CAMLG: variants seen among roughly 807,000 people sequenced by gnomAD.
CAMLG encodes the protein guided entry of tail-anchored proteins factor CAMLG.
In CAMLG, 23 loss-of-function variants were observed where a neutral mutation model predicts 28.9. The ratio of observed to expected loss-of-function variants is 0.80; its 90% CI spans 0.57 to 1.13. The LOEUF (loss-of-function observed/expected upper bound fraction) is 1.13. Among genes scored for constraint, CAMLG ranks in the 50% most tolerant of loss-of-function variants. The pLI is 0.00. For synonymous variants in CAMLG, 141 were observed against 146.5 expected (o/e 0.96, Z 0.27); for missense variants, 367 against 371.9 (o/e 0.99, Z 0.11).
intron 3 of CAMLG, among the ~76,000 whole-genome samples, chr5:134,747,537 G>C (rs1052546220): frequency 2.0e-5 from 3 of 151,976 alleles, no homozygotes; most frequent in Non-Finnish European, 4.4e-5. Flanking sequence ...TAGTAGAGAC[G>C]GGGTTTCACC....
chr5:134,738,658 G>T lies in CAMLG; in HGVS notation c.38G>T (p.Arg13Met), dbSNP rs752834014. 98 of 1,613,084 alleles carry T rather than the reference G, an allele frequency of 6.1e-5. No homozygotes were observed. Among genetic ancestry groups the T allele is most frequent in the Non-Finnish European group, 8.0e-5 (94 of 1,179,734 alleles). Reference sequence around the variant, plus strand: ...GCCGTCGCTACCGACGGCGGGGAGAGGCCGGGGGTCCCAGCGGGCTCAGGT... The same window carrying T: ...GCCGTCGCTACCGACGGCGGGGAGATGCCGGGGGTCCCAGCGGGCTCAGGT... ...SMAVATDGGE[R>M]PGVPAGSGLS... The change falls in exon 1 of 4, where the codon AGG becomes ATG. Residue 13 changes from arginine (R) to methionine (M), a missense_variant. Physicochemically the swap from Arg to Met is moderately conservative, Grantham distance 91. Coordinates refer to ENST00000297156, the MANE Select transcript of CAMLG (RefSeq NM_001745.4).
At chr5:134,749,930 C>T (rs957677920) in intron 3 of CAMLG, among the ~76,000 whole-genome samples, 2 of 152,186 alleles carry the variant, frequency 1.3e-5, no homozygotes, top group Non-Finnish European at 2.9e-5. Context: ...GTCTTAAACT[C>T]CTAGGCTCAA....
chr5:134,740,192 C>CT (rs1004434714), intron 1 of CAMLG, among the ~76,000 whole-genome samples: 40 of 151,792 alleles, frequency 2.6e-4, no homozygotes, highest in Admixed American at 1.1e-3. Context: ...TGTGCCTGGC[C>CT]TTTTTTTTAA....
rs114353961 is a variant in CAMLG at position 134,740,298 on chromosome 5, T to A, written c.173-765T>A. On this transcript the variant is annotated intron_variant, in intron 1 of 3. Transcript: ENST00000297156. ...CTACATAAACAGTAGCTTTGGGATATGCCACACCCTATGCTCATAGGGCAC... is the reference window on the plus strand; with the variant it reads ...CTACATAAACAGTAGCTTTGGGATAAGCCACACCCTATGCTCATAGGGCAC... 3.2e-3 allele frequency among the ~76,000 whole-genome samples: 485 copies of A among 152,260 alleles called. 2 individuals are homozygous for A. Among genetic ancestry groups the A allele is most frequent in the Non-Finnish European group, 4.9e-3 (336 of 68,018 alleles).
Position 134,741,198 on chromosome 5 carries a change from C to T in CAMLG, c.308C>T (p.Ala103Val). The T allele has an allele frequency of 6.2e-7, 1 of 1,614,094 alleles. No individual in the cohort carries two copies. Among genetic ancestry groups the T allele is most frequent in the Non-Finnish European group, 8.5e-7 (1 of 1,180,020 alleles). ...ACAACTGACCAGCAGGGTGGTGTGG[C>T]CGAGGTAAAGGGGACCCAACTGGGA... Reference protein sequence around the residue: ...TGTTDQQGGVAEVKGTQLGDK... With the variant: ...TGTTDQQGGVVEVKGTQLGDK... Residue 103 changes from alanine (A) to valine (V), a missense_variant, in exon 2 of 4, where the codon GCC becomes GTC. Transcript: ENST00000297156.
chr5:134,741,640 T>G, intron 2 of CAMLG, 117 bp downstream of exon 2: 1 of 676,326 alleles, frequency 1.5e-6, no homozygotes, highest in East Asian at 2.6e-5. Flanking sequence ...CAGATCCATG[T>G]GGCTGTTTGA....
At position 134,741,449 on chromosome 5, in the gene CAMLG, T is replaced by G. The variant is rs1286576940; in HGVS notation, c.559T>G (p.Ser187Ala). The change falls in exon 2 of 4, where the codon TCT (serine) becomes GCT (alanine). Residue 187 changes from serine to alanine, a missense_variant. Coordinates refer to ENST00000297156, the MANE Select transcript of CAMLG (RefSeq NM_001745.4). ...EDGNTTEEFD[S>A]FRIFRLVGCA... ...TGGAAATACAACAGAAGAATTTGAC[T>G]CTTTTCGAATATTTAGATTGGTGGG... 6.2e-7 allele frequency: 1 copy of G among 1,614,116 alleles called. No individual in the cohort carries two copies.
chr5:134,744,352 C>T (rs970940952), intron 3 of CAMLG, among the ~76,000 whole-genome samples: 2 of 151,956 alleles, frequency 1.3e-5, no homozygotes, highest in Non-Finnish European at 2.9e-5. Flanking sequence ...GGTGCAACCC[C>T]ATCTCTGCTA....
chr5:134,739,523 A>C (rs1365348433), intron 1 of CAMLG, among the ~76,000 whole-genome samples: 1 of 152,098 alleles, frequency 6.6e-6, no homozygotes, highest in East Asian at 1.9e-4. Context: ...TCCTCCCCCA[A>C]ACACATGTCC....
chr5:134,747,602 C>G (rs184709922), intron 3 of CAMLG, among the ~76,000 whole-genome samples: 2,830 of 151,268 alleles, frequency 0.019, 32 homozygotes, highest in Non-Finnish European at 0.027. Flanking sequence ...TGCCTCGGCC[C>G]CCCAAAGTGC....
chr5:134,747,085 C>G (rs1412732018), intron 3 of CAMLG, among the ~76,000 whole-genome samples: 6 of 152,004 alleles, frequency 3.9e-5, no homozygotes. Flanking sequence ...GACTCCATCT[C>G]AAAAATAAAT....
At chr5:134,747,574 C>A (rs1219428109) in intron 3 of CAMLG, among the ~76,000 whole-genome samples, 1 of 149,776 alleles carries the variant, frequency 6.7e-6, no homozygotes, top group East Asian at 2.0e-4. Context: ...TCTCGATCTC[C>A]TGACCTCATG....
At chr5:134,742,779 G>A (rs1035354564) in intron 2 of CAMLG, among the ~76,000 whole-genome samples, 3 of 151,368 alleles carry the variant, frequency 2.0e-5, no homozygotes, top group Non-Finnish European at 4.4e-5. Flanking sequence ...AGTTTCTTTC[G>A]CCAGGCTGGA....
At chr5:134,750,431 A>T (rs1176107652) in intron 3 of CAMLG, among the ~76,000 whole-genome samples, 5 of 151,922 alleles carry the variant, frequency 3.3e-5, no homozygotes, top group Non-Finnish European at 7.4e-5. Flanking sequence ...CCGGCTACTC[A>T]GGAGGCTGAG....
chr5:134,747,173 C>A (rs1329172911), intron 3 of CAMLG, among the ~76,000 whole-genome samples: 1 of 152,118 alleles, frequency 6.6e-6, no homozygotes, highest in East Asian at 1.9e-4. Flanking sequence ...CAATTAACAT[C>A]TTATTATATT....
chr5:134,746,352 A>G (rs1753049522), intron 3 of CAMLG, among the ~76,000 whole-genome samples: 1 of 152,206 alleles, frequency 6.6e-6, no homozygotes, highest in African/African-American at 2.4e-5. Flanking sequence ...GAAAGACTAT[A>G]CATGAAATTA....
At position 134,743,925 on chromosome 5, in the gene CAMLG, T is replaced by G. The variant is rs1753014535; in HGVS notation, c.634-62T>G. 4.1e-6 allele frequency: 3 copies of G among 739,808 alleles called. No individual in the cohort carries two copies. The African/African-American group carries it at 5.4e-5, about 13-fold the overall frequency. The allele number at this position is 739,808 out of a possible 1,614,324, so 45.8% of individuals were successfully genotyped here. Reference sequence around the variant, plus strand: ...TGCTTGGAATTTTCTAGCTGCTGTTTGATTTATTGTGATTTGAATGATTAT... The same window carrying G: ...TGCTTGGAATTTTCTAGCTGCTGTTGGATTTATTGTGATTTGAATGATTAT... On this transcript the variant is annotated intron_variant, in intron 2 of 3. Transcript: ENST00000297156.
At chr5:134,750,024 T>C (rs1332496696) in intron 3 of CAMLG, among the ~76,000 whole-genome samples, 2 of 152,174 alleles carry the variant, frequency 1.3e-5, no homozygotes, top group African/African-American at 4.8e-5. Flanking sequence ...GTTTTTAATT[T>C]TACTTCCTCT....
At chr5:134,742,930 G>A (rs1182308442) in intron 2 of CAMLG, among the ~76,000 whole-genome samples, 2 of 152,060 alleles carry the variant, frequency 1.3e-5, no homozygotes, top group African/African-American at 2.4e-5. Flanking sequence ...AGTAGAGATG[G>A]GGTTTCACCG....
Sources: gnomAD v4.1 joint callset for allele counts (sites outside exome capture counted in the v4.1 genomes callset) on GRCh38, gnomAD v4.1.1 for gene constraint, MANE v1.5 for transcripts, NCBI Gene and HGNC (gene_info 2026-07-23, HGNC 2026-07-21) for gene names.